FAM20A: variants seen among roughly 807,000 people sequenced by gnomAD.
The protein encoded by FAM20A is pseudokinase FAM20A.
Under a neutral mutation model 52.0 loss-of-function variants are expected in FAM20A, and 42 were observed. The ratio of observed to expected loss-of-function variants is 0.81; its 90% CI spans 0.63 to 1.04. The LOEUF (loss-of-function observed/expected upper bound fraction) is 1.04. FAM20A is among the 50% of genes least tolerant of loss of function. The pLI is 0.00. For missense variants in FAM20A, 742 were observed against 712.7 expected, an observed-to-expected ratio of 1.04 and a Z score of -0.47; for synonymous variants, 304 against 298.9, an observed-to-expected ratio of 1.02 and a Z score of -0.18.
intron 1 of FAM20A, among the ~76,000 whole-genome samples, chr17:68,578,838 C>CAAAAA (rs5821664): frequency 1.4e-4 from 5 of 36,068 alleles, no homozygotes; most frequent in African/African-American, 3.6e-4. Flanking sequence ...CTAAAAATAC[C>CAAAAA]AAAAAAAAAA....
intron 4 of FAM20A, among the ~76,000 whole-genome samples, chr17:68,547,184 A>T (rs2086610748): frequency 6.6e-6 from 1 of 152,166 alleles, no homozygotes; most frequent in African/African-American, 2.4e-5. Flanking sequence ...TTTGAATGGT[A>T]ATTGAGCATT....
At chr17:68,558,941 A>T (rs2087133187) in intron 1 of FAM20A, among the ~76,000 whole-genome samples, 1 of 152,174 alleles carries the variant, frequency 6.6e-6, no homozygotes, top group Non-Finnish European at 1.5e-5. Flanking sequence ...TATTTTTAGT[A>T]GAGATGGGGT....
Position 68,600,154 on chromosome 17 carries a change from G to T in FAM20A, c.404+109C>A. 1 of 1,308,000 alleles carries T rather than the reference G, an allele frequency of 7.6e-7. No individual in the cohort carries two copies. Among genetic ancestry groups the T allele is most frequent in the South Asian group, 1.4e-5 (1 of 68,986 alleles). The allele number at this position is 1,308,000 out of a possible 1,614,324, so 81.0% of individuals were successfully genotyped here. A position where few individuals can be genotyped will look rare whatever the true frequency, so the allele number is the denominator to read the frequency against. On this transcript the variant is annotated intron_variant, in intron 1 of 10. Coordinates refer to ENST00000592554, the MANE Select transcript of FAM20A (RefSeq NM_017565.4). The surrounding 1 kb of genome is among the most constrained non-coding windows in gnomAD (Gnocchi z 6.2). ...CCCAGCGCCAGGGCTGGAGCCGTGGGTGGAGCCGCTGCAGCCCTGGGCCGG... is the reference window on the plus strand; with the variant it reads ...CCCAGCGCCAGGGCTGGAGCCGTGGTTGGAGCCGCTGCAGCCCTGGGCCGG...
At chr17:68,579,017 A>G (rs1468918018) in intron 1 of FAM20A, among the ~76,000 whole-genome samples, 1 of 151,500 alleles carries the variant, frequency 6.6e-6, no homozygotes, top group Admixed American at 6.6e-5. Context: ...CTGTTTCAAA[A>G]AAAAAAAAAA....
rs1382389033 is a variant in FAM20A, at chr17:68,536,550, G to A, written c.*927C>T. ...GCCGTCACAGGGAGGGGCATCTAGAGGGCCTCACCTTTCCACATAGCCCCT... is the reference window on the plus strand; with the variant it reads ...GCCGTCACAGGGAGGGGCATCTAGAAGGCCTCACCTTTCCACATAGCCCCT... On this transcript the variant is annotated 3_prime_UTR_variant, in exon 11 of 11. Transcript: ENST00000592554. 2 of 454,048 alleles carry A rather than the reference G, an allele frequency of 4.4e-6. No individual in the cohort carries two copies. The highest frequency in any genetic ancestry group is 1.6e-5 in the South Asian group (1 of 64,468). 28.1% of individuals were successfully genotyped at this position (454,048 alleles called of 1,614,324 possible). A position where few individuals can be genotyped will look rare whatever the true frequency, so the allele number is the denominator to read the frequency against.
At chr17:68,566,212 T>C (rs1357748972) in intron 1 of FAM20A, among the ~76,000 whole-genome samples, 2 of 152,238 alleles carry the variant, frequency 1.3e-5, no homozygotes, top group African/African-American at 4.8e-5. Context: ...CTTTTATTGT[T>C]CTTGCCATAT....
At chr17:68,581,809 C>T (rs560396707) in intron 1 of FAM20A, among the ~76,000 whole-genome samples, 67 of 152,020 alleles carry the variant, frequency 4.4e-4, no homozygotes, top group Non-Finnish European at 8.2e-4. Flanking sequence ...CTCCTGGCCT[C>T]GTGATCTGCC....
intron 8 of FAM20A, among the ~76,000 whole-genome samples, 183 bp from the exon 9 acceptor site, chr17:68,540,149 A>C (rs914765236): frequency 1.3e-5 from 2 of 152,198 alleles, no homozygotes; most frequent in Non-Finnish European, 2.9e-5. Context: ...AGGGAGAAGG[A>C]AGCGAAACAA....
At chr17:68,542,640 A>G in intron 6 of FAM20A, 54 bp downstream of exon 6, 1 of 1,355,546 alleles carries the variant, frequency 7.4e-7, no homozygotes. Context: ...AGGGGTGGAC[A>G]CTCTGGCTTA....
intron 1 of FAM20A, among the ~76,000 whole-genome samples, chr17:68,566,169 T>C (rs746012589): frequency 2.0e-5 from 3 of 152,216 alleles, no homozygotes; most frequent in African/African-American, 4.8e-5. Flanking sequence ...GCTTTCTTTC[T>C]CACTCCCCCA....
At chr17:68,538,897 G>A (rs1388980928) in intron 10 of FAM20A, among the ~76,000 whole-genome samples, 11 of 152,292 alleles carry the variant, frequency 7.2e-5, no homozygotes, top group African/African-American at 2.4e-4. Flanking sequence ...ATCGCTTAGT[G>A]ATGGGGATAT....
intron 1 of FAM20A, among the ~76,000 whole-genome samples, chr17:68,567,104 T>A (rs558120202): frequency 6.6e-6 from 1 of 151,956 alleles, no homozygotes; most frequent in South Asian, 2.1e-4. Flanking sequence ...AATTTTTTCT[T>A]CCAGCTCTCT....
intron 3 of FAM20A, 26 bp from the exon 4 acceptor site, chr17:68,551,977 A>T: frequency 6.6e-7 from 1 of 1,505,014 alleles, no homozygotes; most frequent in African/African-American, 1.4e-5. Context: ...GGGTGAGTTA[A>T]CCATGCTTCC....
chr17:68,575,472 T>C (rs1269730768), intron 1 of FAM20A, among the ~76,000 whole-genome samples: 4 of 116,358 alleles, frequency 3.4e-5, no homozygotes, highest in Non-Finnish European at 6.7e-5. Context: ...ATATATAATA[T>C]ATTTTATATA....
rs1011777843 is a variant in FAM20A at position 68,542,557 on chromosome 17, G to A, written c.928+137C>T. The A allele has an allele frequency of 8.1e-6, 6 of 743,404 alleles. No homozygotes were observed. The South Asian group carries it at 8.6e-5, about 11-fold the overall frequency. The allele number at this position is 743,404 out of a possible 1,614,324, so 46.1% of individuals were successfully genotyped here. On this transcript the variant is annotated intron_variant, in intron 6 of 10. Transcript: ENST00000592554. ...TGGTCAGGCAGACCATGGTGGGAGT[G>A]TCTTACAACTTCATACGCCCATCCC...
chr17:68,537,671 G>A lies in FAM20A; in HGVS notation c.1432C>T (p.Arg478Ter), dbSNP rs139620139. The A allele has an allele frequency of 1.8e-5, 29 of 1,613,644 alleles. No homozygotes were observed. Among genetic ancestry groups the A allele is most frequent in the Admixed American group, 8.3e-5 (5 of 59,960 alleles). Residue 478 changes from arginine to a stop codon, truncating the protein, a stop_gained, in exon 11 of 11, where the codon CGA becomes TGA. Coordinates refer to ENST00000592554, the MANE Select transcript of FAM20A (RefSeq NM_017565.4). LOFTEE classifies it low-confidence loss of function (END_TRUNC). The surrounding 1 kb of genome is among the most constrained non-coding windows in gnomAD (Gnocchi z 4.2). ...AGCTGGTCTTCCAGCAGTGATTCTC[G>A]CATCACATCGCTGAGTCTGTAGTCA... ...QADYRLSDVMRESLLEDQLSP... is the reference protein window; with the variant it reads ...QADYRLSDVM
intron 9 of FAM20A, among the ~76,000 whole-genome samples, chr17:68,539,684 G>C: frequency 6.6e-6 from 1 of 152,266 alleles, no homozygotes; most frequent in African/African-American, 2.4e-5. Flanking sequence ...GCACACGAGT[G>C]CTCTCAGGCT....
At chr17:68,594,028 G>T (rs1393820608) in intron 1 of FAM20A, among the ~76,000 whole-genome samples, 2 of 152,170 alleles carry the variant, frequency 1.3e-5, no homozygotes, top group African/African-American at 4.8e-5. Flanking sequence ...GACCCTTTGG[G>T]TATAAACCCT....
intron 1 of FAM20A, among the ~76,000 whole-genome samples, chr17:68,556,584 G>A (rs1043527280): frequency 6.6e-6 from 1 of 151,914 alleles, no homozygotes; most frequent in South Asian, 2.1e-4. Context: ...AGGGAGGGGG[G>A]GTGGTTTGGC....
Sources: gnomAD v4.1 joint callset for allele counts (sites outside exome capture counted in the v4.1 genomes callset) on GRCh38, gnomAD v4.1.1 for gene constraint, Gnocchi (gnomAD v3.1) non-coding constraint, MANE v1.5 for transcripts, NCBI Gene and HGNC (gene_info 2026-07-23, HGNC 2026-07-21) for gene names.